SLC44A5: variants seen among roughly 807,000 people sequenced by gnomAD.
The protein encoded by SLC44A5 is solute carrier family 44 member 5.
In SLC44A5, 57 loss-of-function variants were observed where a neutral mutation model predicts 101.8. The observed-to-expected ratio is 0.56, with a 90% CI of 0.45 to 0.70. The LOEUF is 0.70. Ranked by LOEUF, SLC44A5 falls within the 30% of genes least tolerant of loss-of-function variation. The probability of loss-of-function intolerance (pLI) is 0.00; values close to 1 mark genes in which losing one functional copy is unlikely to be tolerated. For synonymous variants in SLC44A5, 281 were observed against 290.9 expected, an observed-to-expected ratio of 0.97 and a Z score of 0.35; for missense variants, 737 against 853.1, an observed-to-expected ratio of 0.86 and a Z score of 1.70.
intron 3 of SLC44A5, among the ~76,000 whole-genome samples, chr1:75,375,965 G>A: frequency 6.6e-6 from 1 of 152,182 alleles, no homozygotes. Flanking sequence ...AGTGGGCGCA[G>A]GTCAGTGGGT....
chr1:75,699,976 C>G, the SLC44A5 span, among the ~76,000 whole-genome samples: 1 of 151,914 alleles, frequency 6.6e-6, no homozygotes, highest in Non-Finnish European at 1.5e-5. Flanking sequence ...TATATATGCA[C>G]CCAATACAGG....
the SLC44A5 span, among the ~76,000 whole-genome samples, chr1:75,665,395 A>G: frequency 8.5e-5 from 13 of 152,124 alleles, no homozygotes; most frequent in Non-Finnish European, 1.5e-4. Flanking sequence ...TTAACTGTCC[A>G]GCCATATGCA....
At chr1:75,639,624 C>A in the SLC44A5 span, among the ~76,000 whole-genome samples, 5 of 152,124 alleles carry the variant, frequency 3.3e-5, no homozygotes, top group Non-Finnish European at 5.9e-5. Context: ...CCAGTGCATG[C>A]CATTATACAG....
chr1:75,486,257 GA>G (rs1175309388), intron 2 of SLC44A5, among the ~76,000 whole-genome samples: 3 of 152,036 alleles, frequency 2.0e-5, no homozygotes, highest in Non-Finnish European at 4.4e-5. Context: ...ATATAGACAA[GA>G]AAATTATTTC....
intron 5 of SLC44A5, among the ~76,000 whole-genome samples, chr1:75,288,171 T>C (rs1020801227): frequency 2.6e-5 from 4 of 152,228 alleles, no homozygotes; most frequent in African/African-American, 9.6e-5. Context: ...TAAATATTCA[T>C]AATAATTAGG....
intron 5 of SLC44A5, among the ~76,000 whole-genome samples, chr1:75,298,463 G>T (rs1299272793): frequency 6.6e-6 from 1 of 152,028 alleles, no homozygotes; most frequent in African/African-American, 2.4e-5. Flanking sequence ...AACTGAATTT[G>T]GGGTTCTGGG....
chr1:75,412,625 G>C (rs922128971), intron 2 of SLC44A5, among the ~76,000 whole-genome samples: 1 of 152,080 alleles, frequency 6.6e-6, no homozygotes, highest in East Asian at 1.9e-4. Context: ...CTCATCCACA[G>C]TTTTGCTTTC....
chr1:75,695,839 A>G, the SLC44A5 span, among the ~76,000 whole-genome samples: 1 of 149,192 alleles, frequency 6.7e-6, no homozygotes, highest in African/African-American at 2.4e-5. Context: ...TAAATTAAAT[A>G]GTATTCATAA....
intron 6 of SLC44A5, among the ~76,000 whole-genome samples, chr1:75,270,411 T>C (rs916511961): frequency 2.0e-5 from 3 of 152,092 alleles, no homozygotes; most frequent in Non-Finnish European, 2.9e-5. Context: ...GTAATTGTTT[T>C]AGAAATCAGA....
intron 1 of SLC44A5, among the ~76,000 whole-genome samples, chr1:75,557,515 T>C (rs548685192): frequency 3.9e-5 from 6 of 152,258 alleles, no homozygotes; most frequent in Admixed American, 3.3e-4. Flanking sequence ...TTCCTGAATG[T>C]CTCATCTAGA....
chr1:75,344,353 T>A (rs1408402585), intron 3 of SLC44A5, among the ~76,000 whole-genome samples: 1 of 152,162 alleles, frequency 6.6e-6, no homozygotes, highest in Non-Finnish European at 1.5e-5. Context: ...ATAATACAGG[T>A]TATCTGTTTT....
intron 13 of SLC44A5, among the ~76,000 whole-genome samples, chr1:75,227,371 T>TTAAA (rs1647226081): frequency 6.6e-6 from 1 of 151,070 alleles, no homozygotes; most frequent in African/African-American, 2.5e-5. Flanking sequence ...TCTCAGAAAA[T>TTAAA]TAAATACATA....
At chr1:75,506,389 A>C (rs1464941834) in intron 2 of SLC44A5, among the ~76,000 whole-genome samples, 1 of 152,112 alleles carries the variant, frequency 6.6e-6, no homozygotes, top group Non-Finnish European at 1.5e-5. Context: ...TTCTATGAAA[A>C]ATGATGTTGA....
Position 75,269,874 on chromosome 1 carries a change from C to T in SLC44A5, c.260+5084G>A, listed in dbSNP as rs561972652. On this transcript the variant is annotated intron_variant, in intron 6 of 23. Coordinates refer to ENST00000370859, the MANE Select transcript of SLC44A5 (RefSeq NM_001130058.2). Reference sequence around the variant, plus strand: ...ATCTTGAATTATAGCTCCCATAATTCCCACATGTTGTGGGAGGGAACCCGT... The same window carrying T: ...ATCTTGAATTATAGCTCCCATAATTTCCACATGTTGTGGGAGGGAACCCGT... Among the ~76,000 whole-genome samples the T allele has an allele frequency of 1.4e-3, 211 of 152,212 alleles. 1 individual carries two copies. Among genetic ancestry groups the T allele is most frequent in the African/African-American group, 4.6e-3 (191 of 41,552 alleles).
chr1:75,477,642 A>C (rs889289373), intron 2 of SLC44A5, among the ~76,000 whole-genome samples: 5 of 152,190 alleles, frequency 3.3e-5, no homozygotes, highest in Non-Finnish European at 5.9e-5. Context: ...AACTGGAAGA[A>C]AGGGTATCAG....
At chr1:75,253,911 C>T (rs560765633) in intron 6 of SLC44A5, among the ~76,000 whole-genome samples, 179 of 152,210 alleles carry the variant, frequency 1.2e-3, no homozygotes, top group South Asian at 6.2e-3. Context: ...GAGACCAATT[C>T]CATAATGTTT....
the SLC44A5 span, among the ~76,000 whole-genome samples, chr1:75,674,465 T>C: frequency 2.0e-5 from 3 of 152,118 alleles, no homozygotes; most frequent in Non-Finnish European, 2.9e-5. Context: ...CTGCAACCTA[T>C]GCCTCCCGTG....
chr1:75,330,188 C>T (rs139340129), intron 4 of SLC44A5, among the ~76,000 whole-genome samples: 3,562 of 131,492 alleles, frequency 0.027, 58 homozygotes, highest in South Asian at 0.062. Flanking sequence ...CATATATATA[C>T]GTATATGCAT....
the SLC44A5 span, among the ~76,000 whole-genome samples, chr1:75,690,274 A>G: frequency 1.9e-4 from 29 of 151,586 alleles, no homozygotes; most frequent in African/African-American, 6.7e-4. Context: ...CAAGAGAGAC[A>G]GAGGCAGGGA....
Sources: gnomAD v4.1 joint callset for allele counts (sites outside exome capture counted in the v4.1 genomes callset) on GRCh38, gnomAD v4.1.1 for gene constraint, MANE v1.5 for transcripts, NCBI Gene and HGNC (gene_info 2026-07-23, HGNC 2026-07-21) for gene names.